Variants in FKBP11 observed in about 807,000 individuals in gnomAD.
The protein encoded by FKBP11 is peptidyl-prolyl cis-trans isomerase FKBP11.
Under a neutral mutation model 24.7 loss-of-function variants are expected in FKBP11, and 21 were observed. The ratio of observed to expected loss-of-function variants is 0.85; its 90% CI spans 0.60 to 1.23. FKBP11 has a LOEUF of 1.23. Ranked by LOEUF, FKBP11 falls within the 50% of genes most tolerant of loss-of-function variation. The pLI is 0.00. For missense variants in FKBP11, 245 were observed against 248.7 expected (o/e 0.99, Z 0.10); for synonymous variants, 106 against 100.6 (o/e 1.05, Z -0.32).
chr12:48,925,206 C>T, intron 1 of FKBP11, 94 bp downstream of exon 1: 1 of 1,586,564 alleles, frequency 6.3e-7, no homozygotes. Context: ...CCCGCACTTC[C>T]TCTCCTCCCG....
chr12:48,931,609 G>A, the FKBP11 span: 1 of 779,598 alleles, frequency 1.3e-6, no homozygotes, highest in South Asian at 1.8e-5. Context: ...AGGTGTCTCT[G>A]TCAGTGTGTA....
the FKBP11 span, among the ~76,000 whole-genome samples, chr12:48,935,018 CAAAA>C: frequency 8.0e-5 from 7 of 87,526 alleles, no homozygotes; most frequent in Non-Finnish European, 8.4e-5. Context: ...AATTCCGTCT[CAAAA>C]AAAAAAAAAA....
chr12:48,925,519 C>G (rs1939946500), upstream of FKBP11: 1 of 1,444,882 alleles, frequency 6.9e-7, no homozygotes, highest in African/African-American at 1.4e-5. Flanking sequence ...CCAGGCCAGA[C>G]TGGACGGGAC....
upstream of FKBP11, among the ~76,000 whole-genome samples, chr12:48,929,769 C>T (rs1940025135): frequency 6.6e-6 from 1 of 152,144 alleles, no homozygotes; most frequent in East Asian, 1.9e-4. Flanking sequence ...TGAATTGAGC[C>T]AAATTCCCTT....
At chr12:48,928,413 C>T (rs1940008193), upstream of FKBP11, among the ~76,000 whole-genome samples, 1 of 146,916 alleles carries the variant, frequency 6.8e-6, no homozygotes, top group Non-Finnish European at 1.5e-5. Flanking sequence ...GGTATGATCT[C>T]GGCTCACTGC....
At chr12:48,925,846 TG>T (rs1422976736), upstream of FKBP11, 9 of 170,008 alleles carry the variant, frequency 5.3e-5, no homozygotes, top group South Asian at 1.5e-3. Flanking sequence ...TCAGGCTAGG[TG>T]GTGACAGAGA....
In FKBP11 at chr12:48,925,342, G is replaced by A; in HGVS notation, c.87C>T (p.Leu29=). ...SAAVCRAEAG[L]ETESPVRTLQ... is the part of the protein sequence containing the mutation. ...GGGTCCGGACGGGACTTTCGGTTTC[G>A]AGCCCAGCCTCAGCCCGGCACACCG... The change falls in exon 1 of 6, where the codon CTC becomes CTT. Residue 29 remains leucine (L), a synonymous_variant. Transcript: ENST00000550765. 2 of 1,609,748 alleles carry A rather than the reference G, an allele frequency of 1.2e-6. No individual in the cohort carries two copies. The highest frequency in any genetic ancestry group is 1.7e-6 in the Non-Finnish European group (2 of 1,178,814).
In FKBP11 at chr12:48,925,045, C is replaced by T. The variant is rs770330020; in HGVS notation, c.195+1G>A. The T allele has an allele frequency of 1.9e-6, 3 of 1,611,288 alleles. No homozygotes were observed. The highest frequency in any genetic ancestry group is 3.3e-5 in the Admixed American group (2 of 59,894). ...CCGCCCCGGCCCCCCAGACCCCTCA[C>T]CGTGTAGTGTATGTGAAGCGTGTCT... On this transcript the variant is annotated splice_donor_variant, in intron 2 of 5. Transcript: ENST00000550765. LOFTEE classifies it high-confidence loss of function.
chr12:48,933,358 G>A, the FKBP11 span, among the ~76,000 whole-genome samples: 1 of 152,162 alleles, frequency 6.6e-6, no homozygotes, highest in Non-Finnish European at 1.5e-5. Flanking sequence ...GTTGGAAAGT[G>A]AGAGAACTGA....
upstream of FKBP11, chr12:48,925,579 C>T: frequency 2.0e-6 from 2 of 992,348 alleles, no homozygotes; most frequent in Non-Finnish European, 2.9e-6. Flanking sequence ...CTTCCTCCAC[C>T]TTGTCCCCAC....
the FKBP11 span, chr12:48,938,622 G>A: frequency 2.2e-6 from 1 of 445,662 alleles, no homozygotes; most frequent in Non-Finnish European, 4.5e-6. Flanking sequence ...AGCAACCACT[G>A]CCAAACAAAG....
chr12:48,925,856 G>A, upstream of FKBP11: 1 of 166,032 alleles, frequency 6.0e-6, no homozygotes, highest in Non-Finnish European at 1.3e-5. Context: ...TGGTGACAGA[G>A]ACAGGATTCA....
the FKBP11 span, chr12:48,938,471 T>C: frequency 8.8e-6 from 4 of 452,238 alleles, no homozygotes; most frequent in Non-Finnish European, 1.8e-5. Context: ...TATACATGTA[T>C]ATACAGGCGC....
At chr12:48,929,265 T>C (rs1015340995), upstream of FKBP11, among the ~76,000 whole-genome samples, 7 of 151,946 alleles carry the variant, frequency 4.6e-5, no homozygotes, top group African/African-American at 1.7e-4. Flanking sequence ...CTGGGCAACA[T>C]GGCAAGACCC....
At chr12:48,931,436 T>C (rs150180482), upstream of FKBP11, 192 of 1,536,136 alleles carry the variant, frequency 1.2e-4, no homozygotes, top group Middle Eastern at 6.7e-4. Flanking sequence ...ATCTGCACCC[T>C]GGAGGGACCA....
upstream of FKBP11, among the ~76,000 whole-genome samples, chr12:48,927,882 C>T (rs1041476207): frequency 1.1e-4 from 17 of 151,948 alleles, no homozygotes; most frequent in African/African-American, 3.9e-4. Context: ...TTGCCTACCA[C>T]CAGACACTTT....
the FKBP11 span, among the ~76,000 whole-genome samples, chr12:48,932,227 T>A: frequency 7.9e-3 from 298 of 37,546 alleles, 5 homozygotes; most frequent in Middle Eastern, 0.036. Flanking sequence ...AAACATATAT[T>A]TATATATATA....
the FKBP11 span, among the ~76,000 whole-genome samples, chr12:48,934,817 C>G: frequency 6.6e-6 from 1 of 151,872 alleles, no homozygotes; most frequent in African/African-American, 2.4e-5. Context: ...AGTTCAAGAC[C>G]AGTCTCACTA....
chr12:48,924,117 C>T (rs1206715611), intron 4 of FKBP11, 106 bp downstream of exon 4: 1 of 1,346,010 alleles, frequency 7.4e-7, no homozygotes, highest in Non-Finnish European at 1.1e-6. Flanking sequence ...CAGTGGGAAG[C>T]AGGGTCCTTT....
Sources: gnomAD v4.1 joint callset for allele counts (sites outside exome capture counted in the v4.1 genomes callset) on GRCh38, gnomAD v4.1.1 for gene constraint, MANE v1.5 for transcripts, NCBI Gene and HGNC (gene_info 2026-07-23, HGNC 2026-07-21) for gene names.